BDP1: variants seen among roughly 807,000 people sequenced by gnomAD.
BDP1 encodes BDP1 general transcription factor IIIB subunit, also known as transcription factor TFIIIB component B'' homolog.
A neutral mutation model predicts 266.6 loss-of-function variants in BDP1; 169 were observed. That is an observed-to-expected ratio of 0.63 (90% CI 0.56 to 0.72). The LOEUF (loss-of-function observed/expected upper bound fraction) is 0.72, where lower values mean the gene tolerates loss of function less well. BDP1 is among the 30% of genes least tolerant of loss of function. The pLI, the probability that BDP1 is intolerant of heterozygous loss-of-function variation, is 0.00. For synonymous variants in BDP1, 1,090 were observed against 1,022.4 expected (o/e 1.07, Z -1.26); for missense variants, 3,015 against 3,053.8 (o/e 0.99, Z 0.30).
chr5:71,566,134 T>C lies in BDP1; in HGVS notation c.*1249T>C, dbSNP rs767832680. On this transcript the variant is annotated 3_prime_UTR_variant, in exon 39 of 39. Coordinates refer to ENST00000358731, the MANE Select transcript of BDP1 (RefSeq NM_018429.3). ...ATTGACTTTGTACTGTAAATTTTTC[T>C]GCTTTTCTTGGATAATCTCAGGATT... The C allele has an allele frequency of 6.4e-6, 1 of 156,244 alleles. No homozygotes were observed. The highest frequency in any genetic ancestry group is 2.4e-5 in the African/African-American group (1 of 41,516). The allele number at this position is 156,244 out of a possible 1,614,324, so 9.7% of individuals were successfully genotyped here.
chr5:71,561,860 G>A (rs958362187), intron 37 of BDP1, among the ~76,000 whole-genome samples: 3 of 152,116 alleles, frequency 2.0e-5, no homozygotes, highest in Non-Finnish European at 2.9e-5. Flanking sequence ...TCTAGAGACC[G>A]GGGTCCTGCT....
In BDP1 at chr5:71,541,729, A is replaced by G. The variant is rs188632990; in HGVS notation, c.6251+47A>G. The stretch of plus-strand genomic sequence containing the variant: ...ATAAATATTACTAAAACCACCATCA[A>G]ATTAGTTAATAGCTTTGAGTAATGC... On this transcript the variant is annotated intron_variant, in intron 29 of 38. Transcript: ENST00000358731. 17 of 1,177,546 alleles carry G rather than the reference A, an allele frequency of 1.4e-5. No homozygotes were observed. In the African/African-American group the frequency reaches 1.7e-4, roughly 12 times the overall value. 72.9% of individuals were successfully genotyped at this position (1,177,546 alleles called of 1,614,324 possible). A position where few individuals can be genotyped will look rare whatever the true frequency, so the allele number is the denominator to read the frequency against.
intron 11 of BDP1, 176 bp from the exon 12 acceptor site, chr5:71,495,074 T>TA (rs1763801676): frequency 5.1e-6 from 2 of 392,632 alleles, no homozygotes; most frequent in African/African-American, 4.1e-5. Context: ...GTACAGTTTT[T>TA]ATAACATGAT....
intron 25 of BDP1, among the ~76,000 whole-genome samples, chr5:71,524,735 A>G (rs1167881544): frequency 2.7e-5 from 4 of 149,594 alleles, no homozygotes; most frequent in East Asian, 3.9e-4. Context: ...CAGCAGATAA[A>G]CAAGTGAACA....
chr5:71,500,316 C>CTTTTTTTTTTTTT (rs58201517), intron 13 of BDP1, among the ~76,000 whole-genome samples: 2 of 73,116 alleles, frequency 2.7e-5, no homozygotes, highest in African/African-American at 6.8e-5. Flanking sequence ...AATCTTGTTT[C>CTTTTTTTTTTTTT]TTTTTTTTTT....
chr5:71,563,067 G>A (rs1305275049), intron 38 of BDP1, among the ~76,000 whole-genome samples: 2 of 152,270 alleles, frequency 1.3e-5, no homozygotes, highest in Non-Finnish European at 1.5e-5. Context: ...AAAACATTTT[G>A]TATTATTTGT....
chr5:71,465,849 C>G (rs2150356216), intron 4 of BDP1, among the ~76,000 whole-genome samples: 1 of 152,206 alleles, frequency 6.6e-6, no homozygotes, highest in Admixed American at 6.5e-5. Flanking sequence ...CCACTGCACT[C>G]CAGCCTGGGT....
In BDP1 at chr5:71,502,601, T is replaced by C. The variant is rs765738330; in HGVS notation, c.2051T>C (p.Leu684Ser). ...ATTTTATTTCTTTGTGGTTCTAGTT[T>C]GGGTGAAAAAAATTGTCTGCAGGAA... ...ENPEAETVSVLGEKNCLQEGS... is the reference protein window; with the variant it reads ...ENPEAETVSVSGEKNCLQEGS... Residue 684 changes from leucine to serine, a missense_variant and splice_region_variant, in exon 15 of 39, where the codon TTG becomes TCG. Physicochemically the swap from Leu to Ser is moderately radical, Grantham distance 145 (BLOSUM62 -2). Coordinates refer to ENST00000358731, the MANE Select transcript of BDP1 (RefSeq NM_018429.3). 1 of 1,588,152 alleles carries C rather than the reference T, an allele frequency of 6.3e-7. No homozygotes were observed. The highest frequency in any genetic ancestry group is 8.5e-7 in the Non-Finnish European group (1 of 1,170,440).
At chr5:71,555,412 A>G (rs1212205048) in intron 35 of BDP1, among the ~76,000 whole-genome samples, 2 of 149,104 alleles carry the variant, frequency 1.3e-5, no homozygotes, top group African/African-American at 2.5e-5. Flanking sequence ...GTATCATCAT[A>G]CTGTTTGAAT....
intron 12 of BDP1, among the ~76,000 whole-genome samples, chr5:71,496,569 C>G (rs1580070683): frequency 6.6e-6 from 1 of 151,918 alleles, no homozygotes; most frequent in Non-Finnish European, 1.5e-5. Flanking sequence ...TCCCAGGTAG[C>G]TGGGACTATA....
chr5:71,496,066 C>T (rs1050761644), intron 12 of BDP1, among the ~76,000 whole-genome samples: 5 of 151,790 alleles, frequency 3.3e-5, no homozygotes, highest in South Asian at 2.1e-4. Flanking sequence ...CACAGTGAAA[C>T]GCTGTCTCTG....
chr5:71,557,375 A>ATTTTTTTTTT, intron 36 of BDP1, among the ~76,000 whole-genome samples: 1 of 103,350 alleles, frequency 9.7e-6, no homozygotes, highest in Non-Finnish European at 1.8e-5. Flanking sequence ...TGCCAAGCTA[A>ATTTTTTTTTT]TTTTTTTTTT....
Position 71,540,390 on chromosome 5 carries a change from C to T in BDP1, c.6022+741C>T, listed in dbSNP as rs561566114. On this transcript the variant is annotated intron_variant, in intron 28 of 38. Coordinates refer to ENST00000358731, the MANE Select transcript of BDP1 (RefSeq NM_018429.3). Reference sequence around the variant, plus strand: ...TCACCCAGGCTGGAGTGCAATGGTGCGATCTTGGCTCACTGCAACCTCTGC... The same window carrying T: ...TCACCCAGGCTGGAGTGCAATGGTGTGATCTTGGCTCACTGCAACCTCTGC... Among the ~76,000 whole-genome samples, 5 of 152,182 alleles carry T rather than the reference C, an allele frequency of 3.3e-5. No individual in the cohort carries two copies. In the South Asian group the frequency reaches 6.2e-4, roughly 19 times the overall value.
intron 27 of BDP1, 51 bp from the exon 28 acceptor site, chr5:71,539,506 C>T: frequency 7.0e-7 from 1 of 1,429,770 alleles, no homozygotes; most frequent in Non-Finnish European, 9.8e-7. Context: ...TTTAAGTGAA[C>T]AGATTTCCGG....
intron 6 of BDP1, among the ~76,000 whole-genome samples, chr5:71,468,118 A>G (rs553629697): frequency 2.4e-4 from 36 of 152,122 alleles, no homozygotes; most frequent in African/African-American, 8.7e-4. Context: ...TCCTGGGTTC[A>G]AGCGATTCTC....
the BDP1 span, among the ~76,000 whole-genome samples, chr5:71,574,074 A>G: frequency 2.0e-5 from 3 of 152,234 alleles, no homozygotes; most frequent in Admixed American, 2.0e-4. Context: ...GTCAAGATGT[A>G]GGAACTGAGC....
intron 11 of BDP1, 45 bp from the exon 12 acceptor site, chr5:71,495,205 A>G (rs900823754): frequency 3.3e-6 from 4 of 1,194,466 alleles, no homozygotes; most frequent in Non-Finnish European, 4.6e-6. Context: ...TAAAATATAT[A>G]TCATTAGGAA....
chr5:71,522,291 A>C lies in BDP1; in HGVS notation c.4994A>C (p.His1665Pro), dbSNP rs1765533266. 6.2e-7 allele frequency: 1 copy of C among 1,611,640 alleles called. No individual in the cohort carries two copies. The highest frequency in any genetic ancestry group is 2.2e-5 in the East Asian group (1 of 44,870). ...HVNKTNETIR[H>P]ENKPYVPSSA... Reference sequence around the variant, plus strand: ...ACATGATTCATACTTCATTCTAGACATGAAAATAAACCGTATGTTCCTAGT... The same window carrying C: ...ACATGATTCATACTTCATTCTAGACCTGAAAATAAACCGTATGTTCCTAGT... Residue 1665 changes from histidine (H) to proline (P), a missense_variant and splice_region_variant, in exon 23 of 39, where the codon CAT becomes CCT. His to Pro is a moderately conservative substitution (Grantham distance 77). Around this residue, in one of 3 missense-constraint regions of BDP1, gnomAD observed 2,383 missense variants for 2,404.9 expected, o/e 0.99. Coordinates refer to ENST00000358731, the MANE Select transcript of BDP1 (RefSeq NM_018429.3).
At chr5:71,456,884 T>C (rs1320660723) in intron 1 of BDP1, among the ~76,000 whole-genome samples, 1 of 152,220 alleles carries the variant, frequency 6.6e-6, no homozygotes, top group Non-Finnish European at 1.5e-5. Context: ...GTAAACAGCC[T>C]TGTTAAGTGA....
Sources: gnomAD v4.1 joint callset for allele counts (sites outside exome capture counted in the v4.1 genomes callset) on GRCh38, gnomAD v4.1.1 for gene constraint, gnomAD v4.1.1 regional missense constraint, MANE v1.5 for transcripts, NCBI Gene and HGNC (gene_info 2026-07-23, HGNC 2026-07-21) for gene names.